EXOC6: variants seen among roughly 807,000 people sequenced by gnomAD.
The protein encoded by EXOC6 is exocyst complex component 6.
A neutral mutation model predicts 112.5 loss-of-function variants in EXOC6; 60 were observed. That is an observed-to-expected ratio of 0.53 (90% CI 0.43 to 0.66). The LOEUF (loss-of-function observed/expected upper bound fraction) is 0.66. EXOC6 is among the 30% of genes least tolerant of loss of function. The pLI is 0.00. For missense variants in EXOC6, 855 were observed against 957.1 expected (o/e 0.89, Z 1.41); for synonymous variants, 295 against 308.0 (o/e 0.96, Z 0.44).
chr10:93,011,824 T>C (rs1844262404), intron 19 of EXOC6, among the ~76,000 whole-genome samples: 1 of 152,192 alleles, frequency 6.6e-6, no homozygotes, highest in Non-Finnish European at 1.5e-5. Flanking sequence ...GTGATACCAC[T>C]GTATGAAAGT....
At chr10:93,056,615 A>T (rs530114484) in intron 20 of EXOC6, among the ~76,000 whole-genome samples, 1 of 148,174 alleles carries the variant, frequency 6.7e-6, no homozygotes, top group Non-Finnish European at 1.5e-5. Flanking sequence ...ATGCATAAAG[A>T]TAAAATTTCT....
intron 20 of EXOC6, among the ~76,000 whole-genome samples, chr10:93,036,924 A>G (rs538941645): frequency 4.1e-4 from 62 of 152,302 alleles, no homozygotes; most frequent in Middle Eastern, 6.8e-3. Flanking sequence ...CCTGTTTTCA[A>G]TTATCAATAT....
chr10:92,850,689 T>A (rs1847283275), intron 1 of EXOC6, among the ~76,000 whole-genome samples: 1 of 152,228 alleles, frequency 6.6e-6, no homozygotes, highest in Non-Finnish European at 1.5e-5. Flanking sequence ...CCTTATCTAC[T>A]CCCTATCATC....
At chr10:92,911,973 G>A (rs1589817777) in intron 6 of EXOC6, among the ~76,000 whole-genome samples, 1 of 124,500 alleles carries the variant, frequency 8.0e-6, no homozygotes, top group Non-Finnish European at 1.7e-5. Context: ...GTGTGTGTGT[G>A]TTTGTGTATG....
At chr10:92,938,456 GA>G (rs1852477325) in intron 12 of EXOC6, among the ~76,000 whole-genome samples, 1 of 151,986 alleles carries the variant, frequency 6.6e-6, no homozygotes, top group African/African-American at 2.4e-5. Flanking sequence ...ACTAATTAAA[GA>G]ATGTTACATA....
chr10:92,826,885 A>C (rs536924906), exon 1 of EXOC6, among the ~76,000 whole-genome samples: 37 of 152,328 alleles, frequency 2.4e-4, no homozygotes, highest in African/African-American at 8.4e-4. Flanking sequence ...GAGGTGGAGC[A>C]TGCCTGGTAA....
chr10:92,934,094 A>T (rs1251596925), intron 9 of EXOC6, 50 bp from the exon 10 acceptor site: 1 of 1,131,978 alleles, frequency 8.8e-7, no homozygotes, highest in Non-Finnish European at 1.3e-6. Context: ...ACTTACCTTT[A>T]TGTTACCAGT....
At chr10:93,044,436 TACTA>T (rs1245578178) in intron 20 of EXOC6, among the ~76,000 whole-genome samples, 1 of 152,122 alleles carries the variant, frequency 6.6e-6, no homozygotes, top group Non-Finnish European at 1.5e-5. Context: ...TAAATACAAA[TACTA>T]ACTGAGATAT....
Position 93,014,110 on chromosome 10 carries a change from A to G in EXOC6, c.2096-84A>G, listed in dbSNP as rs1000604051. ...TGTGTAAATATTATAATGCATTTAT[A>G]ATGAGTAGAAATTAATTTATCAGTT... On this transcript the variant is annotated intron_variant, in intron 19 of 21. Transcript: ENST00000260762. 5.2e-6 allele frequency: 5 copies of G among 970,620 alleles called. No individual in the cohort carries two copies. In the Admixed American group the frequency reaches 6.9e-5, roughly 13 times the overall value. 60.1% of individuals were successfully genotyped at this position (970,620 alleles called of 1,614,324 possible). A position where few individuals can be genotyped will look rare whatever the true frequency, so the allele number is the denominator to read the frequency against.
intron 1 of EXOC6, among the ~76,000 whole-genome samples, chr10:92,873,069 G>A (rs1016243342): frequency 7.2e-5 from 11 of 151,960 alleles, no homozygotes; most frequent in Admixed American, 1.3e-4. Context: ...ATTTATTTTC[G>A]CAATTCATTT....
At chr10:92,926,061 A>C (rs1329415802) in intron 8 of EXOC6, among the ~76,000 whole-genome samples, 10 of 151,708 alleles carry the variant, frequency 6.6e-5, no homozygotes, top group Admixed American at 6.6e-4. Context: ...TTAAAAAAAA[A>C]AAAAAACAAA....
intron 1 of EXOC6, among the ~76,000 whole-genome samples, 164 bp from the exon 2 acceptor site, chr10:92,893,185 T>TC (rs1849591866): frequency 6.6e-6 from 1 of 152,192 alleles, no homozygotes; most frequent in African/African-American, 2.4e-5. Flanking sequence ...ATTATCATGT[T>TC]CAAGAAGAAA....
intron 20 of EXOC6, among the ~76,000 whole-genome samples, chr10:93,014,581 A>G (rs1308884272): frequency 5.3e-5 from 8 of 152,148 alleles, no homozygotes; most frequent in Non-Finnish European, 1.5e-5. Flanking sequence ...TTTCTTAATA[A>G]TCTCATGGTC....
At chr10:92,828,684 GTGTGTC>G (rs1326224119) in intron 1 of EXOC6, among the ~76,000 whole-genome samples, 7 of 39,388 alleles carry the variant, frequency 1.8e-4, no homozygotes, top group Admixed American at 7.5e-4. Context: ...GCTGAGTTTT[GTGTGTC>G]TGTGTGTGTG....
chr10:93,058,293 T>C lies in EXOC6; in HGVS notation c.2353T>C (p.Leu785=), dbSNP rs764805326. 6 of 1,611,694 alleles carry C rather than the reference T, an allele frequency of 3.7e-6. No homozygotes were observed. In the African/African-American group the frequency reaches 5.3e-5, roughly 14 times the overall value. Residue 785 remains leucine (L), a synonymous_variant, in exon 22 of 22, where the codon TTG becomes CTG. Transcript: ENST00000260762. The part of the protein sequence containing the change: ...FRKNDRDKQK[L]IETVVKQLRS... ...GAAGAATGATCGAGACAAACAGAAG[T>C]TGATAGAGACAGTCGTGAAACAGCT... is the stretch of plus-strand genomic sequence containing the variant.
At chr10:92,985,365 A>G (rs1360837898) in intron 18 of EXOC6, among the ~76,000 whole-genome samples, 2 of 152,198 alleles carry the variant, frequency 1.3e-5, no homozygotes, top group Non-Finnish European at 1.5e-5. Context: ...CTGTTAGCAT[A>G]TAACGGGCAG....
Position 93,058,898 on chromosome 10 carries a change from C to T in EXOC6, c.*543C>T, listed in dbSNP as rs892286454. 6.6e-6 allele frequency: 1 copy of T among 152,184 alleles called. No individual in the cohort carries two copies. The highest frequency in any genetic ancestry group is 2.4e-5 in the African/African-American group (1 of 41,442). 9.4% of individuals were successfully genotyped at this position (152,184 alleles called of 1,614,324 possible). On this transcript the variant is annotated 3_prime_UTR_variant, in exon 22 of 22. Transcript: ENST00000260762. Reference sequence around the variant, plus strand: ...CTGCCTGAAATCAAACTTGATTTAACTCAGTAAGAATGTGAATTATTTGTT... The same window carrying T: ...CTGCCTGAAATCAAACTTGATTTAATTCAGTAAGAATGTGAATTATTTGTT...
At chr10:92,963,604 C>T (rs1291016187) in intron 17 of EXOC6, among the ~76,000 whole-genome samples, 2 of 149,720 alleles carry the variant, frequency 1.3e-5, no homozygotes, top group African/African-American at 4.9e-5. Flanking sequence ...CTTCCCACTT[C>T]AGGCTTCCGA....
In EXOC6 at chr10:93,057,149, AG is replaced by A. The variant is rs1165892407; in HGVS notation, c.2282+114del. 3 of 560,644 alleles carry A rather than the reference AG, an allele frequency of 5.4e-6. No homozygotes were observed. In the Admixed American group the frequency reaches 1.2e-4, roughly 23 times the overall value. 34.7% of individuals were successfully genotyped at this position (560,644 alleles called of 1,614,324 possible). Reference sequence around the variant, plus strand: ...AAGAAAAGTCTAGATGGAGCTTAAAAGCTCACTCTAGTTTAATGACCAAAAA... The same window carrying A: ...AAGAAAAGTCTAGATGGAGCTTAAAACTCACTCTAGTTTAATGACCAAAAA... On this transcript the variant is annotated intron_variant, in intron 21 of 21. Transcript: ENST00000260762.
Sources: allele counts gnomAD v4.1 joint callset (sites outside exome capture counted in the v4.1 genomes callset), GRCh38; gene constraint gnomAD v4.1.1; transcripts MANE v1.5; gene names NCBI Gene and HGNC (gene_info 2026-07-23, HGNC 2026-07-21).